The following NUP133 variants were observed in gnomAD, a reference collection of about 807,000 sequenced individuals.
The protein encoded by NUP133 is nucleoporin 133, also known as nuclear pore complex protein Nup133.
Under a neutral mutation model 146.2 loss-of-function variants are expected in NUP133, and 66 were observed. The observed-to-expected ratio is 0.45, with a 90% CI of 0.37 to 0.55. The LOEUF is 0.55. NUP133 is among the 20% of genes least tolerant of loss of function. The pLI, the probability that NUP133 is intolerant of heterozygous loss-of-function variation, is 0.00. For missense variants in NUP133, 1,277 were observed against 1,374.8 expected (o/e 0.93, Z 1.12); for synonymous variants, 521 against 498.8 (o/e 1.04, Z -0.59).
chr1:229,469,296 G>C (rs981161018), intron 15 of NUP133, among the ~76,000 whole-genome samples: 1 of 152,152 alleles, frequency 6.6e-6, no homozygotes, highest in Non-Finnish European at 1.5e-5. Context: ...GCCTCATCAG[G>C]CTGTGAAGCT....
rs775692894 is a variant in NUP133, at chr1:229,499,729, T to C, written c.603A>G (p.Val201=). ...TGTAAGTCTTATCACCTCCCGAATCTACAAAAGCCTCTGTGTAGGTATCTT... is the reference window on the plus strand; with the variant it reads ...TGTAAGTCTTATCACCTCCCGAATCCACAAAAGCCTCTGTGTAGGTATCTT... ...AGEDTYTEAF[V]DSGGDKTYSF... The change falls in exon 5 of 26, where the codon GTA becomes GTG. Residue 201 remains valine, a synonymous_variant. Coordinates refer to ENST00000261396, the MANE Select transcript of NUP133 (RefSeq NM_018230.3). 8 of 1,614,028 alleles carry C rather than the reference T, an allele frequency of 5.0e-6. No homozygotes were observed. Among genetic ancestry groups the C allele is most frequent in the Non-Finnish European group, 5.9e-6 (7 of 1,179,972 alleles).
intron 20 of NUP133, among the ~76,000 whole-genome samples, chr1:229,459,829 G>A (rs376550858): frequency 1.1e-4 from 16 of 152,292 alleles, no homozygotes; most frequent in African/African-American, 3.4e-4. Flanking sequence ...ACATGGGAGT[G>A]CAGGTACCTT....
chr1:229,450,193 G>A (rs1011022401), intron 23 of NUP133, among the ~76,000 whole-genome samples: 1 of 151,916 alleles, frequency 6.6e-6, no homozygotes, highest in Non-Finnish European at 1.5e-5. Flanking sequence ...ACTGCACCCA[G>A]CCAGAATAAA....
chr1:229,472,338 AT>A (rs1480573831), intron 14 of NUP133, among the ~76,000 whole-genome samples: 16 of 144,300 alleles, frequency 1.1e-4, no homozygotes, highest in South Asian at 4.4e-4. Context: ...AAAAAAAAAA[AT>A]CTAGGTGGAG....
Position 229,499,553 on chromosome 1 carries a change from G to A in NUP133, c.648+131C>T, listed in dbSNP as rs1003826124. 1.3e-5 allele frequency: 12 copies of A among 933,362 alleles called. No individual in the cohort carries two copies. The African/African-American group carries it at 1.8e-4, about 14-fold the overall frequency. The allele number at this position is 933,362 out of a possible 1,614,324, so 57.8% of individuals were successfully genotyped here. ...GAAGCCAAAGCAGGAGTTATTGCTT[G>A]AGCCCAGGAGTTTGAGAATTGCCTG... On this transcript the variant is annotated intron_variant, in intron 5 of 25. Transcript: ENST00000261396.
intron 6 of NUP133, among the ~76,000 whole-genome samples, chr1:229,497,836 A>C (rs1488939426): frequency 6.6e-6 from 1 of 152,228 alleles, no homozygotes; most frequent in Non-Finnish European, 1.5e-5. Context: ...CTTCTGGTTA[A>C]ATCTAAAAAG....
At chr1:229,488,442 A>T (rs932498047) in intron 9 of NUP133, among the ~76,000 whole-genome samples, 2 of 152,214 alleles carry the variant, frequency 1.3e-5, no homozygotes, top group Admixed American at 1.3e-4. Flanking sequence ...ATAAGCTGTT[A>T]TTAAAGAAGT....
At chr1:229,485,061 A>G (rs919541013) in intron 11 of NUP133, among the ~76,000 whole-genome samples, 4 of 152,234 alleles carry the variant, frequency 2.6e-5, no homozygotes, top group Non-Finnish European at 5.9e-5. Context: ...TAAAAGAATG[A>G]TAAAAATCTT....
chr1:229,441,567 T>G lies in NUP133; in HGVS notation c.*337A>C. On this transcript the variant is annotated 3_prime_UTR_variant, in exon 26 of 26. Transcript: ENST00000261396. ...AGCTAGTGCAATCTAGTAATTTTCATAGTCGCAGAAACTGAGGCCTAGAAG... is the reference window on the plus strand; with the variant it reads ...AGCTAGTGCAATCTAGTAATTTTCAGAGTCGCAGAAACTGAGGCCTAGAAG... The G allele has an allele frequency of 2.3e-6, 1 of 444,316 alleles. No homozygotes were observed. 27.5% of individuals were successfully genotyped at this position (444,316 alleles called of 1,614,324 possible). A position where few individuals can be genotyped will look rare whatever the true frequency, so the allele number is the denominator to read the frequency against.
At position 229,470,717 on chromosome 1, in the gene NUP133, G is replaced by T; in HGVS notation, c.1939C>A (p.Leu647Met). The T allele has an allele frequency of 6.2e-7, 1 of 1,614,212 alleles. No homozygotes were observed. Among genetic ancestry groups the T allele is most frequent in the Non-Finnish European group, 8.5e-7 (1 of 1,180,042 alleles). Residue 647 changes from leucine to methionine, a missense_variant, in exon 15 of 26, where the codon CTG becomes ATG. This residue lies in a region of NUP133 where 952 missense variants were observed against 1,047.0 expected (regional missense o/e 0.91). Transcript: ENST00000261396. ...TTCTTGAGAACAATGGCGGCTGACA[G>T]CTTTTCGGCATGCTCACAGAGCAAC... ...RLLLCEHAEK[L>M]SAAIVLKNHH...
intron 14 of NUP133, among the ~76,000 whole-genome samples, chr1:229,473,943 G>T (rs1661013811): frequency 6.6e-6 from 1 of 152,078 alleles, no homozygotes; most frequent in African/African-American, 2.4e-5. Context: ...AAAAAAAGAG[G>T]TATAATAAAT....
intron 2 of NUP133, among the ~76,000 whole-genome samples, chr1:229,502,558 C>CAAAAAAAA (rs58520087): frequency 1.2e-4 from 5 of 43,072 alleles, no homozygotes; most frequent in Admixed American, 3.1e-4. Flanking sequence ...GACTCCATCT[C>CAAAAAAAA]AAAAAAAAAA....
intron 4 of NUP133, 25 bp downstream of exon 4, chr1:229,500,731 T>G (rs1411153488): frequency 1.4e-6 from 2 of 1,442,154 alleles, no homozygotes; most frequent in East Asian, 4.6e-5. Flanking sequence ...AAAAGTTTAT[T>G]TAAATAAGCT....
chr1:229,475,969 G>A (rs551212185), intron 13 of NUP133, among the ~76,000 whole-genome samples: 12 of 152,158 alleles, frequency 7.9e-5, no homozygotes, highest in African/African-American at 2.9e-4. Flanking sequence ...TTAGCTGAGC[G>A]TGGTGGCGCA....
chr1:229,487,335 AGTT>A, intron 10 of NUP133, 128 bp downstream of exon 10: 1 of 848,032 alleles, frequency 1.2e-6, no homozygotes, highest in South Asian at 1.7e-5. Context: ...CAGCTGCTGT[AGTT>A]GTGGTATGAA....
At chr1:229,498,621 C>G (rs553144332) in intron 5 of NUP133, among the ~76,000 whole-genome samples, 1 of 151,902 alleles carries the variant, frequency 6.6e-6, no homozygotes, top group East Asian at 1.9e-4. Context: ...CTGGGCGTGG[C>G]GGTGCGCACC....
intron 5 of NUP133, among the ~76,000 whole-genome samples, chr1:229,498,617 G>C (rs751270602): frequency 6.6e-6 from 1 of 151,976 alleles, no homozygotes; most frequent in African/African-American, 2.4e-5. Context: ...TTAGCTGGGC[G>C]TGGCGGTGCG....
intron 6 of NUP133, 53 bp from the exon 7 acceptor site, chr1:229,496,100 G>T (rs1006938403): frequency 1.0e-5 from 14 of 1,362,434 alleles, no homozygotes; most frequent in Non-Finnish European, 1.4e-5. Flanking sequence ...CTAATGCTAA[G>T]GAACTATTGT....
At chr1:229,503,129 G>A (rs1321629720) in intron 2 of NUP133, among the ~76,000 whole-genome samples, 1 of 151,928 alleles carries the variant, frequency 6.6e-6, no homozygotes, top group Non-Finnish European at 1.5e-5. Context: ...AATTAGCCAG[G>A]CATGGGGGCA....
Sources: gnomAD v4.1 joint callset for allele counts (sites outside exome capture counted in the v4.1 genomes callset) on GRCh38, gnomAD v4.1.1 for gene constraint, gnomAD v4.1.1 regional missense constraint, MANE v1.5 for transcripts, NCBI Gene and HGNC (gene_info 2026-07-23, HGNC 2026-07-21) for gene names.